GRHL2: variants seen among roughly 807,000 people sequenced by gnomAD.
GRHL2 encodes the protein grainyhead like transcription factor 2, also known as grainyhead-like protein 2 homolog.
A neutral mutation model predicts 83.8 loss-of-function variants in GRHL2; 21 were observed. The observed-to-expected ratio is 0.25, with a 90% CI of 0.18 to 0.36. The LOEUF is 0.36. Among genes scored for constraint, GRHL2 ranks in the 10% least tolerant of loss-of-function variants. The probability of loss-of-function intolerance (pLI) is 1.00; values close to 1 mark genes in which losing one functional copy is unlikely to be tolerated. For synonymous variants in GRHL2, 280 were observed against 278.9 expected (o/e 1.00, Z -0.04); for missense variants, 623 against 781.8 (o/e 0.80, Z 2.42).
Position 101,553,222 on chromosome 8 carries a change from G to A in GRHL2, c.284+440G>A, listed in dbSNP as rs138111807. 6.5e-3 allele frequency among the ~76,000 whole-genome samples: 990 copies of A among 152,326 alleles called. 10 individuals are homozygous for A. Among genetic ancestry groups the A allele is most frequent in the African/African-American group, 0.023 (936 of 41,570 alleles). ...AGCCAAGGGAGGCATAGGTGGAGGC[G>A]ACTGTAAGGGCTATCGCTGTCAGGG... is the stretch of plus-strand genomic sequence containing the variant. On this transcript the variant is annotated intron_variant, in intron 3 of 15. Coordinates refer to ENST00000646743, the MANE Select transcript of GRHL2 (RefSeq NM_024915.4).
intron 4 of GRHL2, among the ~76,000 whole-genome samples, chr8:101,564,716 G>T (rs1161458371): frequency 6.6e-6 from 1 of 151,598 alleles, no homozygotes; most frequent in East Asian, 1.9e-4. Flanking sequence ...GGAGGCTGAG[G>T]CGGGAGGATT....
Position 101,666,210 on chromosome 8 carries a change from A to T in GRHL2, c.1764-379A>T, listed in dbSNP as rs115022334. On this transcript the variant is annotated intron_variant, in intron 15 of 15. Transcript: ENST00000646743. ...GAGCAGAGGCAATGCATTTTTAAAAATGCATTTTCAAGGGCAACATGGTTT... is the reference window on the plus strand; with the variant it reads ...GAGCAGAGGCAATGCATTTTTAAAATTGCATTTTCAAGGGCAACATGGTTT... 2.0e-3 allele frequency among the ~76,000 whole-genome samples: 303 copies of T among 152,330 alleles called. 2 individuals are homozygous for T. Among genetic ancestry groups the T allele is most frequent in the African/African-American group, 6.9e-3 (288 of 41,574 alleles).
intron 7 of GRHL2, among the ~76,000 whole-genome samples, chr8:101,578,903 A>G (rs1811986958): frequency 6.6e-6 from 1 of 152,198 alleles, no homozygotes; most frequent in Non-Finnish European, 1.5e-5. Flanking sequence ...TTTTCTTGCA[A>G]AATAGTTAAG....
chr8:101,609,551 C>T (rs1011898798), intron 8 of GRHL2, among the ~76,000 whole-genome samples: 2 of 150,942 alleles, frequency 1.3e-5, no homozygotes, highest in Admixed American at 1.3e-4. Flanking sequence ...ACAAAAGCCA[C>T]GTAGAAAGAC....
At chr8:101,659,762 G>C (rs1027989865) in intron 14 of GRHL2, among the ~76,000 whole-genome samples, 1 of 152,172 alleles carries the variant, frequency 6.6e-6, no homozygotes, top group Non-Finnish European at 1.5e-5. Context: ...ACGGCGTTTT[G>C]GGGGAGGAGT....
At chr8:101,639,112 C>T (rs1813346701) in intron 12 of GRHL2, among the ~76,000 whole-genome samples, 1 of 152,180 alleles carries the variant, frequency 6.6e-6, no homozygotes. Context: ...TCTGTCTCAC[C>T]TCAAACTGTC....
At chr8:101,613,447 C>T (rs1307637499) in intron 8 of GRHL2, among the ~76,000 whole-genome samples, 2 of 150,862 alleles carry the variant, frequency 1.3e-5, no homozygotes, top group Non-Finnish European at 2.9e-5. Context: ...TGTCTTGCAT[C>T]CCGTATTCCC....
At chr8:101,574,100 CGTT>C (rs1227085630) in intron 6 of GRHL2, among the ~76,000 whole-genome samples, 4 of 152,132 alleles carry the variant, frequency 2.6e-5, no homozygotes, top group Admixed American at 2.0e-4. Flanking sequence ...TGTGCTTCCT[CGTT>C]GTTGTTATTT....
intron 6 of GRHL2, among the ~76,000 whole-genome samples, chr8:101,575,045 A>C (rs1243036966): frequency 6.6e-6 from 1 of 152,206 alleles, no homozygotes; most frequent in Non-Finnish European, 1.5e-5. Flanking sequence ...TCCTGAACCC[A>C]ACTCTCTTTA....
At chr8:101,639,495 A>G (rs1456427071) in intron 12 of GRHL2, among the ~76,000 whole-genome samples, 1 of 152,236 alleles carries the variant, frequency 6.6e-6, no homozygotes, top group Non-Finnish European at 1.5e-5. Flanking sequence ...GTTCAAAGAC[A>G]CACAGCTGGT....
At chr8:101,671,789 G>A (rs1437602600), downstream of GRHL2, among the ~76,000 whole-genome samples, 6 of 152,214 alleles carry the variant, frequency 3.9e-5, no homozygotes, top group East Asian at 1.9e-4. Context: ...GCATCCCCTA[G>A]TAGGGGCAGA....
chr8:101,648,375 T>G (rs1232217895), intron 13 of GRHL2, among the ~76,000 whole-genome samples: 1 of 152,142 alleles, frequency 6.6e-6, no homozygotes, highest in Non-Finnish European at 1.5e-5. Flanking sequence ...GAATGTTATT[T>G]TGCAGAGAAA....
intron 1 of GRHL2, among the ~76,000 whole-genome samples, chr8:101,518,322 G>T (rs192558453): frequency 6.6e-6 from 1 of 152,306 alleles, no homozygotes; most frequent in Admixed American, 6.5e-5. Flanking sequence ...TGAGGTAGGA[G>T]AATCACTTGA....
chr8:101,606,468 A>G (rs968198191), intron 8 of GRHL2, among the ~76,000 whole-genome samples: 15 of 152,222 alleles, frequency 9.9e-5, no homozygotes, highest in Admixed American at 2.0e-4. Context: ...AGGGAGGTAA[A>G]CAGGGATGTG....
intron 8 of GRHL2, among the ~76,000 whole-genome samples, chr8:101,617,885 G>A (rs536570354): frequency 6.6e-6 from 1 of 152,128 alleles, no homozygotes; most frequent in Non-Finnish European, 1.5e-5. Context: ...TGTGGTGTGA[G>A]GGACTTCAGG....
intron 7 of GRHL2, among the ~76,000 whole-genome samples, chr8:101,598,189 T>A (rs540811761): frequency 6.6e-6 from 1 of 152,004 alleles, no homozygotes; most frequent in South Asian, 2.1e-4. Flanking sequence ...AGAGAAGGCC[T>A]TGAATAGACC....
intron 7 of GRHL2, among the ~76,000 whole-genome samples, chr8:101,588,609 T>G (rs1014761011): frequency 6.6e-6 from 1 of 152,232 alleles, no homozygotes; most frequent in African/African-American, 2.4e-5. Flanking sequence ...AACATTTATC[T>G]TACTGTATTT....
chr8:101,560,176 TTGTG>T (rs35280910), intron 4 of GRHL2, among the ~76,000 whole-genome samples: 12,895 of 148,698 alleles, frequency 0.087, 1,772 homozygotes, highest in African/African-American at 0.29. Context: ...TGGCTAAATT[TTGTG>T]TGTGTGTGTG....
intron 12 of GRHL2, among the ~76,000 whole-genome samples, chr8:101,638,525 G>A (rs1813335104): frequency 6.6e-6 from 1 of 152,178 alleles, no homozygotes; most frequent in African/African-American, 2.4e-5. Flanking sequence ...GAGTTGACTA[G>A]TTACAACAGA....
Sources: allele counts gnomAD v4.1 joint callset (sites outside exome capture counted in the v4.1 genomes callset), GRCh38; gene constraint gnomAD v4.1.1; transcripts MANE v1.5; gene names NCBI Gene and HGNC (gene_info 2026-07-23, HGNC 2026-07-21).